STAB2: variants seen among roughly 807,000 people sequenced by gnomAD.
STAB2 encodes stabilin 2.
STAB2 carries 288 observed loss-of-function variants against 338.1 expected under a neutral mutation model. The observed-to-expected ratio is 0.85, with a 90% CI of 0.77 to 0.94. STAB2 has a LOEUF of 0.94. STAB2 is among the 40% of genes least tolerant of loss of function. STAB2 has a pLI of 0.00. For synonymous variants in STAB2, 1,202 were observed against 1,193.3 expected, an observed-to-expected ratio of 1.01 and a Z score of -0.15; for missense variants, 3,141 against 3,210.1, an observed-to-expected ratio of 0.98 and a Z score of 0.52.
At chr12:103,748,605 TACACACACACACACACACACACACACAC>T (rs71097994) in intron 58 of STAB2, among the ~76,000 whole-genome samples, 67 of 141,810 alleles carry the variant, frequency 4.7e-4, no homozygotes, top group African/African-American at 1.4e-3. Flanking sequence ...CACACACACA[TACACACACACACACACACACACACACAC>T]ACACACACAC....
chr12:103,733,080 C>T lies in STAB2; in HGVS notation c.5358C>T (p.Ala1786=), dbSNP rs761244418. 4 of 1,614,160 alleles carry T rather than the reference C, an allele frequency of 2.5e-6. No homozygotes were observed. The East Asian group carries it at 8.9e-5, about 36-fold the overall frequency. The change falls in exon 51 of 69, where the codon GCC becomes GCT. Residue 1786 remains alanine (A), a synonymous_variant. Transcript: ENST00000388887. The part of the protein sequence containing the change: ...PVTLFWPTDQ[A]LHALPAEQQD... ...CTCTCTTCTGGCCCACCGACCAAGC[C>T]CTCCATGCCCTACCTGCTGAACAAC... is the stretch of plus-strand genomic sequence containing the variant.
chr12:103,691,399 C>A (rs1313252148), intron 30 of STAB2, among the ~76,000 whole-genome samples: 2 of 152,128 alleles, frequency 1.3e-5, no homozygotes, highest in Admixed American at 1.3e-4. Flanking sequence ...CAGATATTTT[C>A]TTTTAGAAAG....
chr12:103,628,187 T>A (rs749956075), intron 5 of STAB2, among the ~76,000 whole-genome samples: 5 of 152,162 alleles, frequency 3.3e-5, no homozygotes, highest in Non-Finnish European at 7.4e-5. Flanking sequence ...ACACTGCAAA[T>A]CCAATTTAAT....
chr12:103,682,106 T>C (rs1876966623), intron 25 of STAB2, among the ~76,000 whole-genome samples: 1 of 152,162 alleles, frequency 6.6e-6, no homozygotes, highest in African/African-American at 2.4e-5. Flanking sequence ...CTGTCTCCTC[T>C]CTGCTCTGTC....
chr12:103,749,085 G>A lies in STAB2; in HGVS notation c.6367G>A (p.Glu2123Lys), dbSNP rs150613004. The change falls in exon 59 of 69, where the codon GAG becomes AAG. Residue 2123 changes from glutamate to lysine, a missense_variant. Physicochemically the swap from Glu to Lys is moderately conservative, Grantham distance 56. Coordinates refer to ENST00000388887, the MANE Select transcript of STAB2 (RefSeq NM_017564.10). Reference protein sequence around the residue: ...GYKGDGHSCTEIDPCADGLNG... With the variant: ...GYKGDGHSCTKIDPCADGLNG... The stretch of plus-strand genomic sequence containing the variant: ...CAAAGGGGACGGGCACAGCTGCACA[G>A]AGATAGACCCCTGTGCAGACGGCCT... 5.0e-3 allele frequency: 8,109 copies of A among 1,614,134 alleles called. 22 individuals are homozygous for A. The highest frequency in any genetic ancestry group is 6.0e-3 in the Non-Finnish European group (7,102 of 1,180,026).
chr12:103,674,102 G>C lies in STAB2; in HGVS notation c.2552+15G>C. The stretch of plus-strand genomic sequence containing the variant: ...GGGACAGCCAGGTAGGTCTGTGAGG[G>C]AATGGCCCTTAATGACGCTGAGTCA... On this transcript the variant is annotated intron_variant, in intron 23 of 68. Transcript: ENST00000388887. 1 of 1,601,758 alleles carries C rather than the reference G, an allele frequency of 6.2e-7. No homozygotes were observed. Among genetic ancestry groups the C allele is most frequent in the Non-Finnish European group, 8.5e-7 (1 of 1,170,618 alleles).
At chr12:103,630,088 A>G (rs1325567485) in intron 5 of STAB2, among the ~76,000 whole-genome samples, 3 of 152,226 alleles carry the variant, frequency 2.0e-5, no homozygotes, top group Non-Finnish European at 4.4e-5. Context: ...TCATTGAGAT[A>G]TTTTGGGGAA....
chr12:103,726,361 G>A (rs191510051), intron 46 of STAB2, among the ~76,000 whole-genome samples, 198 bp downstream of exon 46: 4 of 152,238 alleles, frequency 2.6e-5, no homozygotes, highest in African/African-American at 7.2e-5. Flanking sequence ...GCATGGTGGC[G>A]CAGGCCTGTA....
chr12:103,698,602 C>A (rs77791483), intron 33 of STAB2, among the ~76,000 whole-genome samples: 1 of 152,102 alleles, frequency 6.6e-6, no homozygotes, highest in Non-Finnish European at 1.5e-5. Flanking sequence ...ATCGGTCCCA[C>A]GCAGCAACAA....
At chr12:103,618,488 C>A (rs375679990) in intron 3 of STAB2, among the ~76,000 whole-genome samples, 1 of 152,208 alleles carries the variant, frequency 6.6e-6, no homozygotes. Flanking sequence ...ACTAAGACAA[C>A]TGCATTTTTA....
At chr12:103,656,220 G>A (rs539444522) in intron 15 of STAB2, among the ~76,000 whole-genome samples, 1 of 152,338 alleles carries the variant, frequency 6.6e-6, no homozygotes, top group East Asian at 1.9e-4. Context: ...TTGTTCGTTA[G>A]AATGTCAAAT....
At chr12:103,627,223 G>C (rs1251684573) in intron 5 of STAB2, among the ~76,000 whole-genome samples, 1 of 152,184 alleles carries the variant, frequency 6.6e-6, no homozygotes, top group Non-Finnish European at 1.5e-5. Flanking sequence ...GTCTGCCTCT[G>C]GTGAGTGTCC....
intron 18 of STAB2, among the ~76,000 whole-genome samples, chr12:103,665,485 T>C (rs1454378662): frequency 6.6e-6 from 1 of 152,084 alleles, no homozygotes. Flanking sequence ...AGGAAACCAC[T>C]GCAACTAGGG....
In STAB2 at chr12:103,668,646, C is replaced by G. The variant is rs748507020; in HGVS notation, c.2089C>G (p.Leu697Val). The G allele has an allele frequency of 1.3e-6, 2 of 1,551,846 alleles. No homozygotes were observed. The highest frequency in any genetic ancestry group is 1.7e-6 in the Non-Finnish European group (2 of 1,147,130). ...RCPANSEPTALFTHRCVYSGR... is the reference protein window; with the variant it reads ...RCPANSEPTAVFTHRCVYSGR... ...TTCCCTCCTTGGCTTTCTCCAGGCA[C>G]TCTTCACACACAGATGTGTCTACAG... is the stretch of plus-strand genomic sequence containing the variant. Residue 697 changes from leucine (L) to valine (V), a missense_variant, in exon 20 of 69, where the codon CTC becomes GTC. By Grantham distance (32) the Leu-to-Val change is conservative (BLOSUM62 1). Transcript: ENST00000388887.
At chr12:103,639,982 A>C in intron 8 of STAB2, 141 bp from the exon 9 acceptor site, 1 of 965,604 alleles carries the variant, frequency 1.0e-6, no homozygotes, top group East Asian at 2.7e-5. Flanking sequence ...AGATACTTTG[A>C]CAAATTTTTA....
intron 52 of STAB2, among the ~76,000 whole-genome samples, chr12:103,736,124 A>G (rs566519406): frequency 6.6e-6 from 1 of 152,370 alleles, no homozygotes; most frequent in South Asian, 2.1e-4. Context: ...TATCATGGAA[A>G]AGCCAAAATC....
Position 103,662,833 on chromosome 12 carries a change from T to A in STAB2, c.1870-13T>A, listed in dbSNP as rs748493072. 6.2e-7 allele frequency: 1 copy of A among 1,613,926 alleles called. No individual in the cohort carries two copies. The highest frequency in any genetic ancestry group is 1.1e-5 in the South Asian group (1 of 90,986). On this transcript the variant is annotated splice_polypyrimidine_tract_variant and intron_variant, in intron 17 of 68. Coordinates refer to ENST00000388887, the MANE Select transcript of STAB2 (RefSeq NM_017564.10). ...AATAGTACAGAATTAGAGATGTCAT[T>A]TTTTCTTTCCAGGGACAGATTCTGG...
rs1350940068 is a variant in STAB2 at position 103,644,390 on chromosome 12, A to G, written c.1040+4134A>G. Among the ~76,000 whole-genome samples the G allele has an allele frequency of 4.0e-5, 6 of 149,956 alleles. No individual in the cohort carries two copies. In the East Asian group the frequency reaches 1.2e-3, roughly 29 times the overall value. ...ATCTCAAGTACCCAGGGACACAAAC[A>G]CTGCGGAAGGCCGCAGGGTCCTCTG... On this transcript the variant is annotated intron_variant, in intron 9 of 68. Transcript: ENST00000388887.
intron 50 of STAB2, 26 bp from the exon 51 acceptor site, chr12:103,732,980 C>G: frequency 6.2e-7 from 1 of 1,609,032 alleles, no homozygotes; most frequent in Middle Eastern, 1.7e-4. Flanking sequence ...CTCAAGCCAG[C>G]AAGGGGCTGA....
Sources: allele counts gnomAD v4.1 joint callset (sites outside exome capture counted in the v4.1 genomes callset), GRCh38; gene constraint gnomAD v4.1.1; transcripts MANE v1.5; gene names NCBI Gene and HGNC (gene_info 2026-07-23, HGNC 2026-07-21).